Variants in GCNT2 observed in about 807,000 individuals in gnomAD.
GCNT2 encodes N-acetyllactosaminide beta-1,6-N-acetylglucosaminyl-transferase.
GCNT2 carries 34 observed loss-of-function variants against 34.2 expected under a neutral mutation model. That is an observed-to-expected ratio of 1.00 (90% confidence interval 0.76 to 1.32). GCNT2 has a LOEUF of 1.32. Ranked by LOEUF, GCNT2 falls within the 40% of genes most tolerant of loss-of-function variation. The pLI is 0.00. For missense variants in GCNT2, 584 were observed against 489.4 expected, an observed-to-expected ratio of 1.19 and a Z score of -1.82; for synonymous variants, 212 against 188.0, an observed-to-expected ratio of 1.13 and a Z score of -1.04.
In GCNT2 at chr6:10,628,255, C is replaced by T. The variant is rs891077098; in HGVS notation, c.*1648C>T. 1 of 152,510 alleles carries T rather than the reference C, an allele frequency of 6.6e-6. No individual in the cohort carries two copies. Among genetic ancestry groups the T allele is most frequent in the African/African-American group, 2.4e-5 (1 of 41,398 alleles). 9.4% of individuals were successfully genotyped at this position (152,510 alleles called of 1,614,324 possible). On this transcript the variant is annotated 3_prime_UTR_variant, in exon 5 of 5. Transcript: ENST00000495262. ...ACTTTAGTATTCCTGTAATACTAAA[C>T]CGTTGAGTTTCTAAATATTTATTTA... is the stretch of plus-strand genomic sequence containing the variant.
chr6:10,575,552 TG>T (rs1460652637), intron 3 of GCNT2, among the ~76,000 whole-genome samples: 1 of 152,036 alleles, frequency 6.6e-6, no homozygotes, highest in Admixed American at 6.6e-5. Context: ...TTAGTGGAGA[TG>T]GGTGTCAGGC....
At chr6:10,534,718 T>C (rs1399532748) in intron 3 of GCNT2, among the ~76,000 whole-genome samples, 1 of 121,578 alleles carries the variant, frequency 8.2e-6, no homozygotes, top group Non-Finnish European at 2.0e-5. Context: ...CAAAAAATAG[T>C]CAGGCGTGGT....
intron 3 of GCNT2, chr6:10,557,451 T>C (rs187798030): frequency 2.0e-5 from 17 of 866,348 alleles, no homozygotes; most frequent in Non-Finnish European, 2.9e-5. Context: ...CTGGAACATA[T>C]ATAGTTCTCA....
At chr6:10,561,860 CAG>C (rs1763000980) in intron 3 of GCNT2, among the ~76,000 whole-genome samples, 1 of 151,690 alleles carries the variant, frequency 6.6e-6, no homozygotes, top group African/African-American at 2.4e-5. Context: ...CTCTCAACCT[CAG>C]AAGGGATCAC....
At chr6:10,530,133 A>G in intron 3 of GCNT2, 1 of 311,764 alleles carries the variant, frequency 3.2e-6, no homozygotes, top group Non-Finnish European at 6.1e-6. Flanking sequence ...AGGCGGAGGC[A>G]GGTGGATCAC....
At chr6:10,569,235 CCACACACACA>C (rs373362957) in intron 3 of GCNT2, among the ~76,000 whole-genome samples, 714 of 47,514 alleles carry the variant, frequency 0.015, 16 homozygotes, top group African/African-American at 0.037. Context: ...ACTCCCCCCG[CCACACACACA>C]CACACACACA....
At chr6:10,605,739 A>ACCAT (rs1765280929) in intron 3 of GCNT2, among the ~76,000 whole-genome samples, 1 of 152,062 alleles carries the variant, frequency 6.6e-6, no homozygotes, top group Non-Finnish European at 1.5e-5. Context: ...TTTATTCCCT[A>ACCAT]CCATTTGCAC....
intron 3 of GCNT2, chr6:10,586,890 TG>T: frequency 6.2e-7 from 1 of 1,613,516 alleles, no homozygotes; most frequent in Non-Finnish European, 8.5e-7. Context: ...TGAGCATTTC[TG>T]GGTGACACTT....
At chr6:10,605,278 A>G (rs1322431740) in intron 3 of GCNT2, among the ~76,000 whole-genome samples, 1 of 141,982 alleles carries the variant, frequency 7.0e-6, no homozygotes, top group African/African-American at 2.7e-5. Context: ...TGCAGTGGCA[A>G]AATCTTGGCT....
chr6:10,599,768 A>G (rs548642214), intron 3 of GCNT2, among the ~76,000 whole-genome samples: 1 of 152,324 alleles, frequency 6.6e-6, no homozygotes, highest in East Asian at 1.9e-4. Context: ...AAAGGAGGAG[A>G]AGGCACATGC....
chr6:10,594,836 A>G (rs950446048), intron 3 of GCNT2, among the ~76,000 whole-genome samples: 1 of 151,804 alleles, frequency 6.6e-6, no homozygotes, highest in African/African-American at 2.4e-5. Flanking sequence ...TGACATGTTC[A>G]GGTGGATACC....
At chr6:10,559,986 G>A (rs898499915) in intron 3 of GCNT2, among the ~76,000 whole-genome samples, 1 of 152,178 alleles carries the variant, frequency 6.6e-6, no homozygotes, top group Admixed American at 6.5e-5. Context: ...CTAATCCCAC[G>A]CTCGAGTAAC....
intron 3 of GCNT2, among the ~76,000 whole-genome samples, chr6:10,567,694 CT>C (rs1371893191): frequency 6.6e-6 from 1 of 152,152 alleles, no homozygotes; most frequent in Non-Finnish European, 1.5e-5. Flanking sequence ...TAATCCAGTC[CT>C]CTGTCTCCTG....
chr6:10,528,731 G>A lies in GCNT2; in HGVS notation c.-181G>A. On this transcript the variant is annotated 5_prime_UTR_variant, in exon 3 of 5. The change abolishes the stop of an existing upstream ORF in the 5' untranslated region. Coordinates refer to ENST00000495262, the MANE Select transcript of GCNT2 (RefSeq NM_145649.5). ...GTGAAAATGCAACCTAGTGGTAAGTGAAGAGGGGAAGAAGAAAGAAAAAGG... is the reference window on the plus strand; with the variant it reads ...GTGAAAATGCAACCTAGTGGTAAGTAAAGAGGGGAAGAAGAAAGAAAAAGG... The A allele has an allele frequency of 4.7e-6, 3 of 637,020 alleles. No individual in the cohort carries two copies. Among genetic ancestry groups the A allele is most frequent in the Admixed American group, 2.7e-5 (1 of 37,398 alleles). 39.5% of individuals were successfully genotyped at this position (637,020 alleles called of 1,614,324 possible). A position where few individuals can be genotyped will look rare whatever the true frequency, so the allele number is the denominator to read the frequency against.
At chr6:10,562,104 A>C (rs1458139231) in intron 3 of GCNT2, among the ~76,000 whole-genome samples, 1 of 152,168 alleles carries the variant, frequency 6.6e-6, no homozygotes, top group African/African-American at 2.4e-5. Context: ...AAGCTGGATC[A>C]GCGAGTCAAA....
intron 3 of GCNT2, chr6:10,585,686 G>T (rs1443079355): frequency 1.1e-6 from 1 of 912,034 alleles, no homozygotes; most frequent in Non-Finnish European, 1.5e-6. Context: ...TAAATGAGGA[G>T]GCTTCCTAGA....
intron 4 of GCNT2, among the ~76,000 whole-genome samples, chr6:10,623,164 T>G (rs1211286483): frequency 6.6e-6 from 1 of 152,178 alleles, no homozygotes; most frequent in African/African-American, 2.4e-5. Flanking sequence ...CTTGATGGTC[T>G]CATCCCACTG....
At chr6:10,575,787 T>C (rs1222060244) in intron 3 of GCNT2, among the ~76,000 whole-genome samples, 1 of 152,138 alleles carries the variant, frequency 6.6e-6, no homozygotes, top group East Asian at 1.9e-4. Context: ...GTGATGACAT[T>C]ACCTTGTGAA....
rs1317447220 is a variant in GCNT2, at chr6:10,551,753, A to T, written c.925+21917A>T. On this transcript the variant is annotated intron_variant, in intron 3 of 4. Coordinates refer to ENST00000495262, the MANE Select transcript of GCNT2 (RefSeq NM_145649.5). ...CCACTGCGCCTGGCTATTTTTTTTT[A>T]TTTTTTATTTATTCATCTTTTGAGA... is the stretch of plus-strand genomic sequence containing the variant. Among the ~76,000 whole-genome samples the T allele has an allele frequency of 2.0e-5, 3 of 147,408 alleles. No homozygotes were observed. In the East Asian group the frequency reaches 6.0e-4, roughly 30 times the overall value.
Sources: allele counts gnomAD v4.1 joint callset (sites outside exome capture counted in the v4.1 genomes callset), GRCh38; gene constraint gnomAD v4.1.1; transcripts MANE v1.5; gene names NCBI Gene and HGNC (gene_info 2026-07-23, HGNC 2026-07-21).